The following SORCS1 variants were observed in gnomAD, a reference collection of about 807,000 sequenced individuals.
The protein encoded by SORCS1 is VPS10 domain-containing receptor SorCS1.
Under a neutral mutation model 146.1 loss-of-function variants are expected in SORCS1, and 60 were observed. The observed-to-expected ratio is 0.41, with a 90% confidence interval of 0.33 to 0.51. SORCS1 has a LOEUF of 0.51. Among genes scored for constraint, SORCS1 ranks in the 20% least tolerant of loss-of-function variants. The pLI is 0.21. For synonymous variants in SORCS1, 637 were observed against 584.0 expected (o/e 1.09, Z -1.31); for missense variants, 1,352 against 1,487.6 (o/e 0.91, Z 1.50).
intron 2 of SORCS1, among the ~76,000 whole-genome samples, chr10:106,887,424 A>G (rs1220070193): frequency 6.6e-6 from 1 of 152,168 alleles, no homozygotes; most frequent in Non-Finnish European, 1.5e-5. Context: ...GAAAATGAAA[A>G]ATGTTATTAC....
intron 3 of SORCS1, among the ~76,000 whole-genome samples, chr10:106,814,565 A>T (rs1292808895): frequency 6.6e-6 from 1 of 152,224 alleles, no homozygotes; most frequent in Non-Finnish European, 1.5e-5. Flanking sequence ...AGATGATTAC[A>T]CATTCATACT....
intron 2 of SORCS1, among the ~76,000 whole-genome samples, chr10:106,907,837 G>C (rs1031150728): frequency 1.5e-4 from 22 of 151,168 alleles, no homozygotes; most frequent in Middle Eastern, 3.5e-3. Flanking sequence ...TGAGGCAGGA[G>C]AATCGCTTGA....
intron 5 of SORCS1, among the ~76,000 whole-genome samples, chr10:106,733,375 A>G (rs1286540801): frequency 6.6e-6 from 1 of 152,184 alleles, no homozygotes; most frequent in Non-Finnish European, 1.5e-5. Flanking sequence ...GCAGTTACAG[A>G]TGATAAAGAA....
At chr10:106,626,091 CT>C (rs1018683681) in intron 19 of SORCS1, among the ~76,000 whole-genome samples, 2 of 151,274 alleles carry the variant, frequency 1.3e-5, no homozygotes, top group Non-Finnish European at 3.0e-5. Context: ...GCAAACCCAT[CT>C]TTTTTTTTCA....
intron 1 of SORCS1, among the ~76,000 whole-genome samples, chr10:107,143,367 G>A (rs142421219): frequency 2.2e-3 from 334 of 152,108 alleles, no homozygotes; most frequent in African/African-American, 7.4e-3. Context: ...TGGCTCTATC[G>A]CACAGGCTGG....
intron 4 of SORCS1, among the ~76,000 whole-genome samples, chr10:106,762,809 G>C (rs528715171): frequency 2.7e-4 from 41 of 152,076 alleles, no homozygotes; most frequent in Admixed American, 1.3e-4. Flanking sequence ...TCCCCTCATA[G>C]AGATAACAGA....
intron 3 of SORCS1, among the ~76,000 whole-genome samples, chr10:106,780,522 A>G (rs1256435053): frequency 6.6e-6 from 1 of 152,178 alleles, no homozygotes; most frequent in African/African-American, 2.4e-5. Context: ...CTTGTTCCAT[A>G]GTAGGTCCAC....
At chr10:107,059,518 A>C (rs1008760264) in intron 1 of SORCS1, among the ~76,000 whole-genome samples, 1 of 152,184 alleles carries the variant, frequency 6.6e-6, no homozygotes, top group African/African-American at 2.4e-5. Context: ...GAAGAGATGC[A>C]CACAATCCCA....
At chr10:106,580,913 A>ACC (rs566179304) in intron 24 of SORCS1, among the ~76,000 whole-genome samples, 8 of 151,578 alleles carry the variant, frequency 5.3e-5, no homozygotes, top group East Asian at 3.9e-4. Context: ...AATATAAGGA[A>ACC]CCCCCCCGCT....
chr10:106,965,180 T>C (rs1346506214), intron 1 of SORCS1, among the ~76,000 whole-genome samples: 1 of 152,026 alleles, frequency 6.6e-6, no homozygotes, highest in East Asian at 1.9e-4. Context: ...CTTCTTTTCA[T>C]CACCTGAAGA....
chr10:107,122,745 G>A (rs1966479718), intron 1 of SORCS1, among the ~76,000 whole-genome samples: 1 of 152,128 alleles, frequency 6.6e-6, no homozygotes, highest in East Asian at 1.9e-4. Flanking sequence ...GCTCCAAAGT[G>A]AGGCACCGAT....
At chr10:106,991,138 T>G (rs767296348) in intron 1 of SORCS1, among the ~76,000 whole-genome samples, 1 of 152,240 alleles carries the variant, frequency 6.6e-6, no homozygotes, top group Non-Finnish European at 1.5e-5. Context: ...GAACTTTATG[T>G]TCCATTGCCT....
In SORCS1 at chr10:106,969,767, C is replaced by G. The variant is rs537907293; in HGVS notation, c.559-13187G>C. On this transcript the variant is annotated intron_variant, in intron 1 of 25. Transcript: ENST00000263054. ...CTTTCCGATTCCACCCTGGCTTCCT[C>G]TCTCCACCTGGAACAATCGACACCT... Among the ~76,000 whole-genome samples the G allele has an allele frequency of 5.0e-4, 76 of 152,300 alleles. 1 individual carries two copies. Among genetic ancestry groups the G allele is most frequent in the African/African-American group, 1.8e-3 (76 of 41,574 alleles).
At chr10:106,592,582 G>A (rs1845663115) in intron 24 of SORCS1, among the ~76,000 whole-genome samples, 1 of 152,156 alleles carries the variant, frequency 6.6e-6, no homozygotes, top group Admixed American at 6.5e-5. Context: ...AGCAATTAAT[G>A]GGATGCAACA....
intron 3 of SORCS1, among the ~76,000 whole-genome samples, chr10:106,825,931 T>A (rs908659418): frequency 6.6e-6 from 1 of 152,212 alleles, no homozygotes; most frequent in Non-Finnish European, 1.5e-5. Flanking sequence ...TCAAGATTTC[T>A]TACACTGACA....
intron 1 of SORCS1, among the ~76,000 whole-genome samples, chr10:107,086,834 C>T (rs1188761552): frequency 6.6e-6 from 1 of 152,190 alleles, no homozygotes; most frequent in African/African-American, 2.4e-5. Flanking sequence ...TCGAGACCAT[C>T]CTGGCTAACA....
intron 1 of SORCS1, among the ~76,000 whole-genome samples, chr10:107,152,398 A>G (rs1195622343): frequency 3.3e-5 from 5 of 152,204 alleles, no homozygotes; most frequent in Non-Finnish European, 7.3e-5. Context: ...GAGAACCACT[A>G]TCCTCCATAC....
At chr10:106,977,085 T>C (rs1956057751) in intron 1 of SORCS1, among the ~76,000 whole-genome samples, 1 of 152,230 alleles carries the variant, frequency 6.6e-6, no homozygotes, top group South Asian at 2.1e-4. Context: ...AAATTATTTC[T>C]GGTTTCTAGA....
chr10:106,831,233 T>C lies in SORCS1; in HGVS notation c.627-1560A>G, dbSNP rs978644875. On this transcript the variant is annotated intron_variant, in intron 2 of 25. Coordinates refer to ENST00000263054, the MANE Select transcript of SORCS1 (RefSeq NM_052918.5). ...AATAAATAAATAAATAAAAAGGACA[T>C]AGACATAAAATGATATAAAATTTCC... Among the ~76,000 whole-genome samples, 5 of 152,040 alleles carry C rather than the reference T, an allele frequency of 3.3e-5. No individual in the cohort carries two copies. The East Asian group carries it at 5.8e-4, about 18-fold the overall frequency.
Sources: allele counts gnomAD v4.1 joint callset (sites outside exome capture counted in the v4.1 genomes callset), GRCh38; gene constraint gnomAD v4.1.1; transcripts MANE v1.5; gene names NCBI Gene and HGNC (gene_info 2026-07-23, HGNC 2026-07-21).